The following INPP4B variants were observed in gnomAD, a reference collection of about 807,000 sequenced individuals.
The protein encoded by INPP4B is inositol polyphosphate 4-phosphatase type II.
Under a neutral mutation model 122.5 loss-of-function variants are expected in INPP4B, and 55 were observed. That is an observed-to-expected ratio of 0.45 (90% CI 0.36 to 0.56). The LOEUF (loss-of-function observed/expected upper bound fraction) is 0.56, where lower values mean the gene tolerates loss of function less well. INPP4B is among the 20% of genes least tolerant of loss of function. The pLI is 0.00. For synonymous variants in INPP4B, 403 were observed against 388.7 expected, an observed-to-expected ratio of 1.04 and a Z score of -0.43; for missense variants, 1,000 against 1,097.7, an observed-to-expected ratio of 0.91 and a Z score of 1.26.
chr4:142,149,289 A>G (rs747952138), intron 17 of INPP4B, among the ~76,000 whole-genome samples: 122 of 152,348 alleles, frequency 8.0e-4, no homozygotes, highest in South Asian at 2.7e-3. Context: ...GACTCCAGAG[A>G]CAGATTAAAG....
intron 2 of INPP4B, among the ~76,000 whole-genome samples, chr4:142,649,376 C>G (rs1218222088): frequency 1.3e-5 from 2 of 152,182 alleles, no homozygotes; most frequent in Non-Finnish European, 2.9e-5. Context: ...AAGACTTTGA[C>G]AAGTTGACAG....
intron 2 of INPP4B, among the ~76,000 whole-genome samples, chr4:142,594,909 C>G (rs559237549): frequency 7.0e-6 from 1 of 143,008 alleles, no homozygotes; most frequent in East Asian, 2.1e-4. Flanking sequence ...GAGCCAAGAT[C>G]GCGTCACTGC....
At chr4:142,243,695 T>C (rs139667267) in intron 11 of INPP4B, among the ~76,000 whole-genome samples, 1 of 152,066 alleles carries the variant, frequency 6.6e-6, no homozygotes, top group East Asian at 1.9e-4. Context: ...TAGGAAAAAA[T>C]TTGGCATTTG....
chr4:142,720,731 CAT>C (rs545001830), intron 2 of INPP4B, among the ~76,000 whole-genome samples: 2,087 of 21,126 alleles, frequency 0.099, 218 homozygotes, highest in African/African-American at 0.27. Flanking sequence ...TATATATATA[CAT>C]ATATATATAT....
intron 1 of INPP4B, among the ~76,000 whole-genome samples, chr4:142,749,198 TTA>T (rs967142127): frequency 6.8e-6 from 1 of 147,024 alleles, no homozygotes; most frequent in Admixed American, 6.9e-5. Flanking sequence ...ATAATATATA[TTA>T]TGTTTATTAT....
In INPP4B at chr4:142,433,496, T is replaced by A. The variant is rs969666378; in HGVS notation, c.-126-2111A>T. On this transcript the variant is annotated intron_variant, in intron 3 of 25. Transcript: ENST00000262992. ...GATTGGTAGTTATAGTTCAGTTATA[T>A]TTAATTGAACAATATTTCTCACTGA... Among the ~76,000 whole-genome samples, 3 of 152,192 alleles carry A rather than the reference T, an allele frequency of 2.0e-5. No individual in the cohort carries two copies. The East Asian group carries it at 5.8e-4, about 29-fold the overall frequency.
chr4:142,596,490 G>A (rs1738720263), intron 2 of INPP4B, among the ~76,000 whole-genome samples: 1 of 152,188 alleles, frequency 6.6e-6, no homozygotes, highest in Non-Finnish European at 1.5e-5. Flanking sequence ...ACTGGGCCCA[G>A]GTAAGGCCAG....
At chr4:142,729,594 T>G (rs1033550620) in intron 1 of INPP4B, among the ~76,000 whole-genome samples, 2 of 152,204 alleles carry the variant, frequency 1.3e-5, no homozygotes, top group African/African-American at 4.8e-5. Flanking sequence ...GAAGGCTCCC[T>G]CTTTGGGACA....
intron 2 of INPP4B, among the ~76,000 whole-genome samples, chr4:142,691,836 T>C (rs1180549779): frequency 3.9e-4 from 59 of 152,142 alleles, no homozygotes; most frequent in Admixed American, 3.7e-3. Context: ...AAGGCTTGAG[T>C]TCCACTTCTG....
intron 1 of INPP4B, among the ~76,000 whole-genome samples, chr4:142,741,567 G>C (rs1053677846): frequency 1.3e-5 from 2 of 151,462 alleles, no homozygotes; most frequent in African/African-American, 4.9e-5. Context: ...GGAATAATAG[G>C]ATATTAAAAC....
intron 7 of INPP4B, among the ~76,000 whole-genome samples, chr4:142,402,341 C>T (rs1034264344): frequency 2.6e-5 from 4 of 152,148 alleles, no homozygotes; most frequent in Admixed American, 1.3e-4. Flanking sequence ...AGTGCCTAAC[C>T]AGGAAGGATG....
At position 142,468,740 on chromosome 4, in the gene INPP4B, A is replaced by C. The variant is rs77839194; in HGVS notation, c.-190-6014T>G. On this transcript the variant is annotated intron_variant, in intron 2 of 25. Transcript: ENST00000262992. ...TGAATAGAAGTAGCCTGAAGCCCTCATCAGATGCAGGTGTTCATTCCATGC... is the reference window on the plus strand; with the variant it reads ...TGAATAGAAGTAGCCTGAAGCCCTCCTCAGATGCAGGTGTTCATTCCATGC... 8.3e-4 allele frequency among the ~76,000 whole-genome samples: 127 copies of C among 152,262 alleles called. 1 individual carries two copies. The South Asian group carries it at 0.013, about 16-fold the overall frequency.
At chr4:142,323,424 A>C (rs1306675617) in intron 7 of INPP4B, among the ~76,000 whole-genome samples, 1 of 149,080 alleles carries the variant, frequency 6.7e-6, no homozygotes, top group Non-Finnish European at 1.5e-5. Context: ...AATGAGGTTC[A>C]TTATTACGGT....
rs987110330 is a variant in INPP4B, at chr4:142,498,848, G to T, written c.-190-36122C>A. ...GGCAATTAAAAATAAATAATTAATT[G>T]ATTAAAAAATTAAAAAGGAATTAAT... On this transcript the variant is annotated intron_variant, in intron 2 of 25. Coordinates refer to ENST00000262992, the MANE Select transcript of INPP4B (RefSeq NM_001101669.3). 1.2e-4 allele frequency among the ~76,000 whole-genome samples: 19 copies of T among 152,034 alleles called. No homozygotes were observed. In the South Asian group the frequency reaches 1.5e-3, roughly 12 times the overall value.
In INPP4B at chr4:142,145,863, T is replaced by G; in HGVS notation, c.1697A>C (p.Asp566Ala). ...ACCTCTTGGGTGAGAGGGAATGGCA[T>G]CTGTTAATGAAGGTTCCTTTTCTCC... Reference protein sequence around the residue: ...NDGEKEPSLTDAIPSHPREDW... With the variant: ...NDGEKEPSLTAAIPSHPREDW... Residue 566 changes from aspartate to alanine, a missense_variant, in exon 18 of 26, where the codon GAT (aspartate) becomes GCT (alanine). Transcript: ENST00000262992. 1.2e-6 allele frequency: 2 copies of G among 1,613,768 alleles called. No individual in the cohort carries two copies. The highest frequency in any genetic ancestry group is 2.7e-5 in the African/African-American group (2 of 75,016).
chr4:142,446,841 G>A (rs1213215956), intron 3 of INPP4B, among the ~76,000 whole-genome samples: 2 of 152,102 alleles, frequency 1.3e-5, no homozygotes, highest in Non-Finnish European at 2.9e-5. Flanking sequence ...TGGTGCAAAA[G>A]TAATTGCTAA....
intron 7 of INPP4B, among the ~76,000 whole-genome samples, chr4:142,334,528 A>T (rs894398390): frequency 2.6e-5 from 4 of 152,198 alleles, no homozygotes; most frequent in Non-Finnish European, 5.9e-5. Flanking sequence ...AGGAACCCCC[A>T]TACTGTTTTC....
intron 9 of INPP4B, among the ~76,000 whole-genome samples, chr4:142,290,691 T>C (rs1471324812): frequency 6.6e-6 from 1 of 152,198 alleles, no homozygotes; most frequent in Non-Finnish European, 1.5e-5. Context: ...ACATGGTTAT[T>C]TTCTCCTTTA....
chr4:142,375,653 C>T (rs555440181), intron 7 of INPP4B, among the ~76,000 whole-genome samples: 1 of 151,986 alleles, frequency 6.6e-6, no homozygotes, highest in South Asian at 2.1e-4. Flanking sequence ...ATAAAAGGGA[C>T]AAAATCAGAG....
Sources: gnomAD v4.1 joint callset for allele counts (sites outside exome capture counted in the v4.1 genomes callset) on GRCh38, gnomAD v4.1.1 for gene constraint, MANE v1.5 for transcripts, NCBI Gene and HGNC (gene_info 2026-07-23, HGNC 2026-07-21) for gene names.